ADAMTS2: variants seen among roughly 807,000 people sequenced by gnomAD.
ADAMTS2 encodes the protein ADAM metallopeptidase with thrombospondin type 1 motif 2, also known as A disintegrin and metalloproteinase with thrombospondin motifs 2.
Under a neutral mutation model 123.0 loss-of-function variants are expected in ADAMTS2, and 50 were observed. The observed-to-expected ratio is 0.41, with a 90% CI of 0.32 to 0.51. The LOEUF is 0.51. Ranked by LOEUF, ADAMTS2 falls within the 20% of genes least tolerant of loss-of-function variation. The pLI is 0.35. For synonymous variants in ADAMTS2, 678 were observed against 695.4 expected (o/e 0.98, Z 0.39); for missense variants, 1,494 against 1,705.2 (o/e 0.88, Z 2.18).
chr5:179,300,349 T>C (rs544786272), intron 2 of ADAMTS2, among the ~76,000 whole-genome samples: 1 of 152,322 alleles, frequency 6.6e-6, no homozygotes, highest in South Asian at 2.1e-4. Flanking sequence ...TCCTTAATAC[T>C]TTTCTACATT....
rs372103269 is a variant in ADAMTS2 at position 179,207,680 on chromosome 5, C to T, written c.724G>A (p.Ala242Thr). 2.6e-4 allele frequency: 421 copies of T among 1,613,098 alleles called. No homozygotes were observed. The highest frequency in any genetic ancestry group is 1.5e-3 in the Middle Eastern group (9 of 6,060). The change falls in exon 4 of 22, where the codon GCC becomes ACC. Residue 242 changes from alanine (A) to threonine (T), a missense_variant. This residue lies in a region of ADAMTS2 where 184 missense variants were observed against 152.1 expected (regional missense o/e 1.21). Transcript: ENST00000251582. ...SLDSLDSLSRALGVLEEHANS... is the reference protein window; with the variant it reads ...SLDSLDSLSRTLGVLEEHANS... ...GCGTGCTCCTCTAGGACGCCCAGGGCGCGGCTGAGGCTGTCCAGGCTGTCC... is the reference window on the plus strand; with the variant it reads ...GCGTGCTCCTCTAGGACGCCCAGGGTGCGGCTGAGGCTGTCCAGGCTGTCC...
At chr5:179,170,000 C>T (rs1763782926) in intron 5 of ADAMTS2, among the ~76,000 whole-genome samples, 1 of 152,152 alleles carries the variant, frequency 6.6e-6, no homozygotes, top group Admixed American at 6.5e-5. Flanking sequence ...GCTTTGGTAC[C>T]TTCTCAAAAA....
At chr5:179,258,797 G>C (rs1209463472) in intron 3 of ADAMTS2, among the ~76,000 whole-genome samples, 1 of 152,140 alleles carries the variant, frequency 6.6e-6, no homozygotes, top group East Asian at 1.9e-4. Context: ...GGGTGGGGCT[G>C]TGATCTGGGT....
intron 2 of ADAMTS2, among the ~76,000 whole-genome samples, chr5:179,343,239 A>G (rs779596596): frequency 4.1e-4 from 63 of 152,168 alleles, no homozygotes; most frequent in Non-Finnish European, 8.8e-4. Flanking sequence ...GCCAGCCCAT[A>G]AGTCCACCAC....
intron 3 of ADAMTS2, among the ~76,000 whole-genome samples, chr5:179,233,459 G>A (rs1765457795): frequency 6.6e-6 from 1 of 152,154 alleles, no homozygotes; most frequent in African/African-American, 2.4e-5. Flanking sequence ...GGGTGGGGGA[G>A]GGTGGATCAC....
At position 179,126,277 on chromosome 5, in the gene ADAMTS2, C is replaced by T. The variant is rs139553138; in HGVS notation, c.2618-147G>A. On this transcript the variant is annotated intron_variant, in intron 17 of 21. Transcript: ENST00000251582. ...AAGGGTGGGCAGGGCACCGAGCCTG[C>T]GGCTGGCTGGGGGGAGGCCTTGGTG... is the stretch of plus-strand genomic sequence containing the variant. 6,246 of 1,204,894 alleles carry T rather than the reference C, an allele frequency of 5.2e-3. 32 individuals are homozygous for T. Among genetic ancestry groups the T allele is most frequent in the Middle Eastern group, 0.013 (49 of 3,894 alleles). The allele number at this position is 1,204,894 out of a possible 1,614,324, so 74.6% of individuals were successfully genotyped here. A position where few individuals can be genotyped will look rare whatever the true frequency, so the allele number is the denominator to read the frequency against.
At chr5:179,264,392 T>C (rs1229301724) in intron 3 of ADAMTS2, among the ~76,000 whole-genome samples, 1 of 152,194 alleles carries the variant, frequency 6.6e-6, no homozygotes, top group East Asian at 1.9e-4. Flanking sequence ...AAGGCACAGA[T>C]GTCACAGACA....
chr5:179,212,452 G>A (rs113369755), intron 3 of ADAMTS2, among the ~76,000 whole-genome samples: 2,861 of 87,018 alleles, frequency 0.033, 166 homozygotes, highest in Non-Finnish European at 0.039. Context: ...CCCTGAGGGT[G>A]GGTTCAGTGG....
chr5:179,255,825 G>A lies in ADAMTS2; in HGVS notation c.688+17086C>T, dbSNP rs139080330. The stretch of plus-strand genomic sequence containing the variant: ...GCTCCTTCCTGGTGTCTTCATCCTC[G>A]GGGATCAGGGGCTCTGCAGCAGCAG... On this transcript the variant is annotated intron_variant, in intron 3 of 21. Coordinates refer to ENST00000251582, the MANE Select transcript of ADAMTS2 (RefSeq NM_014244.5). Among the ~76,000 whole-genome samples, 542 of 152,276 alleles carry A rather than the reference G, an allele frequency of 3.6e-3. 2 individuals are homozygous for A. The highest frequency in any genetic ancestry group is 5.8e-3 in the Non-Finnish European group (392 of 68,018).
chr5:179,207,926 C>G (rs947005491), intron 3 of ADAMTS2, among the ~76,000 whole-genome samples: 3 of 152,164 alleles, frequency 2.0e-5, no homozygotes, highest in Non-Finnish European at 4.4e-5. Flanking sequence ...ACAGGCACCT[C>G]TGTGACTTCC....
chr5:179,114,370 G>A (rs2113162181), intron 21 of ADAMTS2, 46 bp from the exon 22 acceptor site: 8 of 1,573,846 alleles, frequency 5.1e-6, no homozygotes, highest in Middle Eastern at 2.2e-4. Context: ...AAGATAAGGG[G>A]GACTTTGTTC....
intron 2 of ADAMTS2, among the ~76,000 whole-genome samples, chr5:179,323,155 G>C (rs1171035359): frequency 6.6e-6 from 1 of 152,374 alleles, no homozygotes; most frequent in African/African-American, 2.4e-5. Flanking sequence ...CAGGCACCGA[G>C]CCAGCCAGTG....
At chr5:179,259,709 T>C (rs1477702629) in intron 3 of ADAMTS2, among the ~76,000 whole-genome samples, 16 of 152,206 alleles carry the variant, frequency 1.1e-4, no homozygotes, top group Admixed American at 1.0e-3. Context: ...CCATCTGCAG[T>C]CTGGCATCAG....
intron 3 of ADAMTS2, among the ~76,000 whole-genome samples, chr5:179,209,534 A>T (rs1764799804): frequency 6.7e-6 from 1 of 148,182 alleles, no homozygotes; most frequent in Non-Finnish European, 1.5e-5. Context: ...ACACACACAC[A>T]CATGCACACA....
rs372330444 is a variant in ADAMTS2, at chr5:179,257,564, C to T, written c.688+15347G>A. 9.2e-5 allele frequency among the ~76,000 whole-genome samples: 14 copies of T among 152,362 alleles called. No homozygotes were observed. The East Asian group carries it at 1.5e-3, about 17-fold the overall frequency. On this transcript the variant is annotated intron_variant, in intron 3 of 21. Coordinates refer to ENST00000251582, the MANE Select transcript of ADAMTS2 (RefSeq NM_014244.5). ...GGGCTGGGGCCCTGCGCCCTCCCCG[C>T]TGCTGGCTCCCGCTGATGCGCTACA... is the stretch of plus-strand genomic sequence containing the variant.
intron 3 of ADAMTS2, among the ~76,000 whole-genome samples, chr5:179,215,653 G>C (rs1297878963): frequency 6.6e-6 from 1 of 152,122 alleles, no homozygotes; most frequent in Admixed American, 6.5e-5. Context: ...AAACAACAAG[G>C]GAACTGTGGG....
intron 4 of ADAMTS2, among the ~76,000 whole-genome samples, chr5:179,194,027 A>G (rs941586788): frequency 3.3e-5 from 5 of 152,210 alleles, no homozygotes; most frequent in African/African-American, 1.2e-4. Context: ...GGCTGCCTCA[A>G]GCTGTCATCC....
In ADAMTS2 at chr5:179,317,161, C is replaced by T. The variant is rs76053291; in HGVS notation, c.534+26606G>A. Reference sequence around the variant, plus strand: ...CCCACAGCCTCCAGCCCTCCTGTCACTCTGCCAGCTGGCAGCAGGGCCACC... The same window carrying T: ...CCCACAGCCTCCAGCCCTCCTGTCATTCTGCCAGCTGGCAGCAGGGCCACC... On this transcript the variant is annotated intron_variant, in intron 2 of 21. Coordinates refer to ENST00000251582, the MANE Select transcript of ADAMTS2 (RefSeq NM_014244.5). This position sits in a 1 kb window ranked among gnomAD's most constrained non-coding sequence, Gnocchi z 4.9. Among the ~76,000 whole-genome samples, 19 of 152,212 alleles carry T rather than the reference C, an allele frequency of 1.2e-4. No homozygotes were observed. The East Asian group carries it at 2.7e-3, about 22-fold the overall frequency.
intron 3 of ADAMTS2, among the ~76,000 whole-genome samples, chr5:179,227,838 G>A (rs116668730): frequency 2.0e-5 from 3 of 152,250 alleles, no homozygotes; most frequent in Middle Eastern, 3.4e-3. Flanking sequence ...AGAGACTAGA[G>A]GGGGCAGGGC....
Sources: gnomAD v4.1 joint callset for allele counts (sites outside exome capture counted in the v4.1 genomes callset) on GRCh38, gnomAD v4.1.1 for gene constraint, gnomAD v4.1.1 regional missense constraint, Gnocchi (gnomAD v3.1) non-coding constraint, MANE v1.5 for transcripts, NCBI Gene and HGNC (gene_info 2026-07-23, HGNC 2026-07-21) for gene names.